The following STAG1 variants were observed in gnomAD, a reference collection of about 807,000 sequenced individuals.
STAG1 encodes STAG1 cohesin complex component.
Under a neutral mutation model 170.9 loss-of-function variants are expected in STAG1, and 26 were observed. The observed-to-expected ratio is 0.15, with a 90% CI of 0.11 to 0.21. STAG1 has a LOEUF of 0.21. Ranked by LOEUF, STAG1 falls within the 10% of genes least tolerant of loss-of-function variation. The probability of loss-of-function intolerance (pLI) is 1.00; values close to 1 mark genes in which losing one functional copy is unlikely to be tolerated. For synonymous variants in STAG1, 514 were observed against 497.7 expected, an observed-to-expected ratio of 1.03 and a Z score of -0.44; for missense variants, 964 against 1,509.5, an observed-to-expected ratio of 0.64 and a Z score of 5.99.
chr3:136,426,820 G>A (rs1168235658), intron 16 of STAG1, among the ~76,000 whole-genome samples: 1 of 152,098 alleles, frequency 6.6e-6, no homozygotes, highest in East Asian at 1.9e-4. Context: ...TGTAATCCCA[G>A]CACTTTGGGA....
intron 12 of STAG1, among the ~76,000 whole-genome samples, chr3:136,467,836 G>C (rs982158679): frequency 8.5e-5 from 13 of 152,168 alleles, no homozygotes; most frequent in Non-Finnish European, 1.8e-4. Flanking sequence ...AATCAAACTA[G>C]AACTCAGGAT....
chr3:136,458,478 C>T (rs1211430184), intron 13 of STAG1, among the ~76,000 whole-genome samples: 1 of 152,072 alleles, frequency 6.6e-6, no homozygotes, highest in Non-Finnish European at 1.5e-5. Context: ...GTTTTAACTA[C>T]AAGATATTTT....
At chr3:136,462,537 T>A (rs560840480) in intron 13 of STAG1, among the ~76,000 whole-genome samples, 6 of 152,212 alleles carry the variant, frequency 3.9e-5, no homozygotes, top group African/African-American at 1.4e-4. Flanking sequence ...GAGGGTGGAA[T>A]AAAGAGAGGT....
chr3:136,418,690 G>C (rs1473397533), intron 20 of STAG1, among the ~76,000 whole-genome samples: 2 of 151,622 alleles, frequency 1.3e-5, no homozygotes, highest in Non-Finnish European at 2.9e-5. Flanking sequence ...CGCCCAGGCT[G>C]AAGTGAAGTG....
At chr3:136,410,337 T>C (rs1177475026) in intron 21 of STAG1, among the ~76,000 whole-genome samples, 1 of 151,284 alleles carries the variant, frequency 6.6e-6, no homozygotes, top group Non-Finnish European at 1.5e-5. Flanking sequence ...GAAGTGGAGG[T>C]TGCCTGCAGT....
chr3:136,428,696 G>A (rs1039816724), intron 16 of STAG1, among the ~76,000 whole-genome samples: 6 of 152,176 alleles, frequency 3.9e-5, no homozygotes, highest in Non-Finnish European at 7.3e-5. Context: ...ATACCTGTTG[G>A]AGAAAACTGT....
intron 1 of STAG1, among the ~76,000 whole-genome samples, chr3:136,645,773 C>T (rs1411881565): frequency 6.6e-6 from 1 of 152,160 alleles, no homozygotes; most frequent in African/African-American, 2.4e-5. Context: ...ACCATTTTCT[C>T]TCCTCCATTC....
intron 6 of STAG1, among the ~76,000 whole-genome samples, chr3:136,528,497 C>G (rs181979450): frequency 9.0e-5 from 10 of 110,504 alleles, no homozygotes; most frequent in East Asian, 7.7e-4. Context: ...TCCCCGCACC[C>G]CCCCCCCCAA....
At chr3:136,362,157 T>C (rs558436126) in intron 26 of STAG1, among the ~76,000 whole-genome samples, 54 of 148,320 alleles carry the variant, frequency 3.6e-4, no homozygotes, top group African/African-American at 1.3e-3. Context: ...TGGGGTTTCA[T>C]CATGTTGACC....
At chr3:136,528,502 C>A (rs868000953) in intron 6 of STAG1, among the ~76,000 whole-genome samples, 6 of 144,428 alleles carry the variant, frequency 4.2e-5, no homozygotes, top group African/African-American at 1.6e-4. Context: ...GCACCCCCCC[C>A]CCCAAAAAAT....
rs575421746 is a variant in STAG1, at chr3:136,695,481, T to C, written c.-84+56714A>G. 8.0e-5 allele frequency among the ~76,000 whole-genome samples: 12 copies of C among 150,882 alleles called. No homozygotes were observed. The East Asian group carries it at 2.3e-3, about 30-fold the overall frequency. ...AGACAGACCGTAATGTTTAAGCACA[T>C]AACCAGCTGGAGTCCTCAATGGGGG... On this transcript the variant is annotated intron_variant, in intron 1 of 33. Coordinates refer to ENST00000383202, the MANE Select transcript of STAG1 (RefSeq NM_005862.3).
intron 22 of STAG1, among the ~76,000 whole-genome samples, chr3:136,380,552 G>A (rs1937897930): frequency 6.6e-6 from 1 of 151,938 alleles, no homozygotes; most frequent in African/African-American, 2.4e-5. Flanking sequence ...GGATAATTTA[G>A]AATGAGGGCC....
intron 1 of STAG1, among the ~76,000 whole-genome samples, chr3:136,675,510 TAA>T (rs891948591): frequency 6.6e-6 from 1 of 152,204 alleles, no homozygotes; most frequent in African/African-American, 2.4e-5. Context: ...AATTCAACCC[TAA>T]CTGATAGAAC....
chr3:136,477,227 C>G (rs2089775641), intron 10 of STAG1, 62 bp downstream of exon 10: 1 of 1,502,334 alleles, frequency 6.7e-7, no homozygotes. Flanking sequence ...CATTTTGATT[C>G]CCAGCATTTT....
chr3:136,724,853 G>T (rs892887258), intron 1 of STAG1, among the ~76,000 whole-genome samples: 1 of 152,068 alleles, frequency 6.6e-6, no homozygotes, highest in African/African-American at 2.4e-5. Flanking sequence ...GATACATTGG[G>T]ACAGAACAGT....
intron 6 of STAG1, among the ~76,000 whole-genome samples, chr3:136,526,772 T>C (rs1055558964): frequency 6.6e-6 from 1 of 152,230 alleles, no homozygotes; most frequent in Non-Finnish European, 1.5e-5. Flanking sequence ...TCAGGAGCTC[T>C]TGTAGGGCAG....
rs977685640 is a variant in STAG1, at chr3:136,546,373, T to C, written c.395-4178A>G. Among the ~76,000 whole-genome samples the C allele has an allele frequency of 5.9e-5, 9 of 152,068 alleles. 1 individual carries two copies. The highest frequency in any genetic ancestry group is 2.2e-4 in the African/African-American group (9 of 41,406). Reference sequence around the variant, plus strand: ...TGAACCATTTTAAAACATACGAAAATTCATGTCTATGTATTTTTGTAGAGA... The same window carrying C: ...TGAACCATTTTAAAACATACGAAAACTCATGTCTATGTATTTTTGTAGAGA... On this transcript the variant is annotated intron_variant, in intron 5 of 33. Transcript: ENST00000383202.
intron 23 of STAG1, among the ~76,000 whole-genome samples, chr3:136,377,141 T>C (rs1035997451): frequency 4.1e-5 from 6 of 148,088 alleles, no homozygotes; most frequent in African/African-American, 1.5e-4. Flanking sequence ...GGCTCACGCC[T>C]GTAATCTCAG....
At chr3:136,748,808 A>C (rs781718589) in intron 1 of STAG1, among the ~76,000 whole-genome samples, 2 of 152,158 alleles carry the variant, frequency 1.3e-5, no homozygotes, top group Non-Finnish European at 2.9e-5. Context: ...CCTTCTTTAT[A>C]ACGTTTTAAA....
Sources: gnomAD v4.1 joint callset for allele counts (sites outside exome capture counted in the v4.1 genomes callset) on GRCh38, gnomAD v4.1.1 for gene constraint, MANE v1.5 for transcripts, NCBI Gene and HGNC (gene_info 2026-07-23, HGNC 2026-07-21) for gene names.